Variants in CTNND2 observed in about 807,000 individuals in gnomAD.
The protein encoded by CTNND2 is catenin delta-2.
A neutral mutation model predicts 144.4 loss-of-function variants in CTNND2; 22 were observed. That is an observed-to-expected ratio of 0.15 (90% CI 0.11 to 0.22). The LOEUF (loss-of-function observed/expected upper bound fraction) is 0.22. Among genes scored for constraint, CTNND2 ranks in the 10% least tolerant of loss-of-function variants. The pLI, the probability that CTNND2 is intolerant of heterozygous loss-of-function variation, is 1.00. For missense variants in CTNND2, 1,353 were observed against 1,618.8 expected (o/e 0.84, Z 2.82); for synonymous variants, 751 against 695.6 (o/e 1.08, Z -1.25).
chr5:11,880,498 C>T (rs866377988), intron 1 of CTNND2, among the ~76,000 whole-genome samples: 1 of 17,578 alleles, frequency 5.7e-5, no homozygotes, highest in African/African-American at 1.1e-4. Flanking sequence ...ACTACTGCTA[C>T]TAGTACTACT....
intron 6 of CTNND2, among the ~76,000 whole-genome samples, chr5:11,393,886 C>T (rs1759842651): frequency 6.6e-6 from 1 of 152,042 alleles, no homozygotes; most frequent in Non-Finnish European, 1.5e-5. Flanking sequence ...CTCCTCACTT[C>T]ACTCCCAGTA....
chr5:11,891,209 C>A (rs1252780213), intron 1 of CTNND2, among the ~76,000 whole-genome samples: 1 of 152,174 alleles, frequency 6.6e-6, no homozygotes. Context: ...ACTCTATATA[C>A]CATATTGTTC....
At chr5:11,277,190 T>A (rs902371436) in intron 9 of CTNND2, among the ~76,000 whole-genome samples, 1 of 152,156 alleles carries the variant, frequency 6.6e-6, no homozygotes, top group African/African-American at 2.4e-5. Context: ...TTTAAAATAA[T>A]CTTCACAGAA....
At chr5:11,219,360 C>G (rs1580620995) in intron 10 of CTNND2, among the ~76,000 whole-genome samples, 1 of 152,348 alleles carries the variant, frequency 6.6e-6, no homozygotes, top group Non-Finnish European at 1.5e-5. Context: ...CTAACTTAAG[C>G]ATAAATACTC....
At chr5:11,801,485 G>GT (rs2126887933) in intron 1 of CTNND2, among the ~76,000 whole-genome samples, 1 of 152,266 alleles carries the variant, frequency 6.6e-6, no homozygotes, top group African/African-American at 2.4e-5. Context: ...GGCAACACTG[G>GT]TTTCTTCTTA....
At chr5:11,398,879 A>G (rs570705773) in intron 5 of CTNND2, among the ~76,000 whole-genome samples, 1 of 152,330 alleles carries the variant, frequency 6.6e-6, no homozygotes, top group South Asian at 2.1e-4. Context: ...TATCACTGCT[A>G]TGGAAGCTGC....
At position 11,344,316 on chromosome 5, in the gene CTNND2, C is replaced by G. The variant is rs148105175; in HGVS notation, c.1628+2056G>C. 1.8e-3 allele frequency among the ~76,000 whole-genome samples: 280 copies of G among 151,744 alleles called. 1 individual carries two copies. The highest frequency in any genetic ancestry group is 5.3e-3 in the African/African-American group (221 of 41,406). On this transcript the variant is annotated intron_variant, in intron 9 of 21. Transcript: ENST00000304623. ...CTGAGGCAGGAGAATGGTGTGAACC[C>G]GGAAGGCGGAGCTTGCAGTGAGCGG...
intron 3 of CTNND2, among the ~76,000 whole-genome samples, chr5:11,493,116 A>T (rs1381604914): frequency 6.6e-6 from 1 of 152,136 alleles, no homozygotes; most frequent in Non-Finnish European, 1.5e-5. Flanking sequence ...TCTCAAAATA[A>T]TAATAATTAA....
At chr5:10,987,766 C>T (rs1025161612) in intron 20 of CTNND2, among the ~76,000 whole-genome samples, 2 of 148,606 alleles carry the variant, frequency 1.3e-5, no homozygotes, top group African/African-American at 5.0e-5. Context: ...TGCACAGGGC[C>T]TAACTACACT....
intron 12 of CTNND2, among the ~76,000 whole-genome samples, chr5:11,128,484 G>C (rs973131596): frequency 5.3e-5 from 8 of 151,294 alleles, no homozygotes; most frequent in Admixed American, 1.3e-4. Flanking sequence ...AATGTATTTT[G>C]TTTTTTTAAG....
intron 2 of CTNND2, among the ~76,000 whole-genome samples, chr5:11,611,757 A>G (rs972579339): frequency 2.0e-5 from 3 of 152,184 alleles, no homozygotes; most frequent in Non-Finnish European, 4.4e-5. Context: ...CAGCCTGGAC[A>G]ACAGAGTGCA....
At chr5:11,819,764 C>A (rs1169970645) in intron 1 of CTNND2, among the ~76,000 whole-genome samples, 1 of 152,210 alleles carries the variant, frequency 6.6e-6, no homozygotes, top group East Asian at 1.9e-4. Flanking sequence ...ATGGCCTCAG[C>A]AGAATCCTGG....
chr5:11,494,945 A>AT (rs1769792617), intron 3 of CTNND2, among the ~76,000 whole-genome samples: 1 of 152,220 alleles, frequency 6.6e-6, no homozygotes, highest in Admixed American at 6.5e-5. Flanking sequence ...ATTATTTCTC[A>AT]TATCTGTGAA....
At chr5:11,625,670 G>C (rs964486414) in intron 2 of CTNND2, among the ~76,000 whole-genome samples, 25 of 151,988 alleles carry the variant, frequency 1.6e-4, no homozygotes, top group Non-Finnish European at 5.9e-5. Context: ...AAAATTAAAA[G>C]GGAACCACAG....
intron 16 of CTNND2, among the ~76,000 whole-genome samples, chr5:11,036,398 T>C (rs1460377321): frequency 6.6e-6 from 1 of 152,126 alleles, no homozygotes; most frequent in East Asian, 1.9e-4. Flanking sequence ...CTTCCACAAA[T>C]CTGCACCCCC....
At chr5:11,577,039 G>A (rs534841209) in intron 2 of CTNND2, among the ~76,000 whole-genome samples, 1 of 152,258 alleles carries the variant, frequency 6.6e-6, no homozygotes, top group East Asian at 1.9e-4. Context: ...TCTTCTCACT[G>A]ACAATGACCA....
chr5:11,719,833 TACACACACAC>T (rs36223515), intron 2 of CTNND2, among the ~76,000 whole-genome samples: 22,224 of 142,048 alleles, frequency 0.16, 2,752 homozygotes, highest in African/African-American at 0.35. Context: ...CTCTGACATA[TACACACACAC>T]ACACACACAC....
chr5:10,990,276 G>GTCCC (rs1457883836), intron 19 of CTNND2, among the ~76,000 whole-genome samples: 3 of 152,214 alleles, frequency 2.0e-5, no homozygotes, highest in Non-Finnish European at 4.4e-5. Flanking sequence ...GTGAATCTGG[G>GTCCC]GAGATGTGAG....
At chr5:11,530,519 G>A (rs1773659470) in intron 3 of CTNND2, among the ~76,000 whole-genome samples, 1 of 152,186 alleles carries the variant, frequency 6.6e-6, no homozygotes, top group South Asian at 2.1e-4. Flanking sequence ...ATGCAGCAGT[G>A]TTTTGGGGAC....
Sources: gnomAD v4.1 joint callset for allele counts (sites outside exome capture counted in the v4.1 genomes callset) on GRCh38, gnomAD v4.1.1 for gene constraint, MANE v1.5 for transcripts, NCBI Gene and HGNC (gene_info 2026-07-23, HGNC 2026-07-21) for gene names.